Variants in CD84 observed in about 807,000 individuals in gnomAD.
CD84 encodes the protein SLAM family member 5.
In CD84, 22 loss-of-function variants were observed where a neutral mutation model predicts 33.8. That is an observed-to-expected ratio of 0.65 (90% CI 0.46 to 0.93). The LOEUF is 0.93. CD84 is among the 40% of genes least tolerant of loss of function. CD84 has a pLI of 0.00. For missense variants in CD84, 400 were observed against 397.6 expected, an observed-to-expected ratio of 1.01 and a Z score of -0.05; for synonymous variants, 154 against 145.2, an observed-to-expected ratio of 1.06 and a Z score of -0.44.
Position 160,565,500 on chromosome 1 carries a change from C to A in CD84, c.292G>T (p.Asp98Tyr). Residue 98 changes from aspartate (D) to tyrosine (Y), a missense_variant, in exon 2 of 7, where the codon GAT (aspartate) becomes TAT (tyrosine). Coordinates refer to ENST00000368054, the MANE Select transcript of CD84 (RefSeq NM_003874.4). ...TCTCCTGCGTCTTCCATCCTCAGAT[C>A]GCTAATGACCAGATTGTAGTTCGGA... ...LGPNYNLVIS[D>Y]LRMEDAGDYK... The A allele has an allele frequency of 1.2e-6, 2 of 1,613,908 alleles. No individual in the cohort carries two copies. Among genetic ancestry groups the A allele is most frequent in the Admixed American group, 1.7e-5 (1 of 59,994 alleles).
chr1:160,550,087 G>C, intron 5 of CD84, 108 bp from the exon 6 acceptor site: 2 of 803,704 alleles, frequency 2.5e-6, no homozygotes, highest in South Asian at 1.4e-5. Context: ...CACATTTACT[G>C]GGTGGCCTCC....
intron 2 of CD84, among the ~76,000 whole-genome samples, chr1:160,562,403 G>T (rs897281256): frequency 1.3e-5 from 2 of 151,956 alleles, no homozygotes; most frequent in Admixed American, 6.6e-5. Flanking sequence ...ACAGAATAAA[G>T]AACTCAAAAA....
chr1:160,572,815 G>C (rs1009235680), intron 1 of CD84, among the ~76,000 whole-genome samples: 2 of 152,160 alleles, frequency 1.3e-5, no homozygotes, highest in Admixed American at 6.5e-5. Context: ...TGAAACCCTG[G>C]GGTGCAGGCT....
intron 1 of CD84, among the ~76,000 whole-genome samples, chr1:160,570,476 T>C (rs961025941): frequency 6.6e-6 from 1 of 152,204 alleles, no homozygotes; most frequent in Non-Finnish European, 1.5e-5. Context: ...GACTATATTG[T>C]CCTGCTTTCT....
chr1:160,575,098 G>A (rs1657916048), intron 1 of CD84, among the ~76,000 whole-genome samples: 1 of 152,118 alleles, frequency 6.6e-6, no homozygotes, highest in Non-Finnish European at 1.5e-5. Flanking sequence ...GGATCCTCCA[G>A]ACAAACATTT....
chr1:160,548,722 C>A (rs1254447112), intron 6 of CD84, among the ~76,000 whole-genome samples: 1 of 152,182 alleles, frequency 6.6e-6, no homozygotes, highest in Non-Finnish European at 1.5e-5. Flanking sequence ...GGACTCACTG[C>A]CAGCATCTCC....
At chr1:160,553,826 C>A in intron 3 of CD84, 69 bp downstream of exon 3, 1 of 1,610,354 alleles carries the variant, frequency 6.2e-7, no homozygotes, top group Non-Finnish European at 8.5e-7. Flanking sequence ...ATGTGGCCCA[C>A]GTTCAGACCT....
intron 6 of CD84, among the ~76,000 whole-genome samples, chr1:160,548,992 C>T (rs1656003315): frequency 6.6e-6 from 1 of 152,092 alleles, no homozygotes; most frequent in African/African-American, 2.4e-5. Context: ...CTTGCCTGTC[C>T]TCCTTTTCTT....
Position 160,545,751 on chromosome 1 carries a change from T to G in CD84, c.*2505A>C, listed in dbSNP as rs1655791407. ...TTCAAGCAATTCTCCCACCTCAGCC[T>G]CCCAAGTAGCTGGGATTACAGGTGT... On this transcript the variant is annotated 3_prime_UTR_variant, in exon 7 of 7. Transcript: ENST00000368054. 6.6e-6 allele frequency: 1 copy of G among 152,210 alleles called. No homozygotes were observed. The highest frequency in any genetic ancestry group is 6.6e-5 in the Admixed American group (1 of 15,254). 9.4% of individuals were successfully genotyped at this position (152,210 alleles called of 1,614,324 possible). A position where few individuals can be genotyped will look rare whatever the true frequency, so the allele number is the denominator to read the frequency against.
chr1:160,543,033 T>G lies in CD84; in HGVS notation c.*5223A>C, dbSNP rs1185856982. 1 of 152,150 alleles carries G rather than the reference T, an allele frequency of 6.6e-6. No individual in the cohort carries two copies. Among genetic ancestry groups the G allele is most frequent in the Non-Finnish European group, 1.5e-5 (1 of 68,022 alleles). The allele number at this position is 152,150 out of a possible 1,614,324, so 9.4% of individuals were successfully genotyped here. A position where few individuals can be genotyped will look rare whatever the true frequency, so the allele number is the denominator to read the frequency against. ...ATTTACAGTTTCTCTTATTTTATAT[T>G]AACTCATCAGAATGTTTATGACCTG... On this transcript the variant is annotated 3_prime_UTR_variant, in exon 7 of 7. Transcript: ENST00000368054.
rs916136625 is a variant in CD84, at chr1:160,556,484, ATCTG to A, written c.389-2342_389-2339del. Among the ~76,000 whole-genome samples the A allele has an allele frequency of 3.3e-5, 5 of 152,272 alleles. No individual in the cohort carries two copies. The South Asian group carries it at 6.2e-4, about 19-fold the overall frequency. The stretch of plus-strand genomic sequence containing the variant: ...TTACCTATTTACTTATCTATCATCT[ATCTG>A]TCTGTCTATGCTGGTATGCACATTA... On this transcript the variant is annotated intron_variant, in intron 2 of 6. Transcript: ENST00000368054.
intron 1 of CD84, among the ~76,000 whole-genome samples, chr1:160,568,559 T>C (rs1384894942): frequency 6.6e-6 from 1 of 152,170 alleles, no homozygotes; most frequent in African/African-American, 2.4e-5. Flanking sequence ...AAGGTGTAGG[T>C]GCAAGTACTT....
In CD84 at chr1:160,547,375, T is replaced by C; in HGVS notation, c.*881A>G. ...GAGTGGGAATACTGGGCATGGCTGC[T>C]TCTTCTGCTGAGGCTGCTTGGAGTG... On this transcript the variant is annotated 3_prime_UTR_variant, in exon 7 of 7. Coordinates refer to ENST00000368054, the MANE Select transcript of CD84 (RefSeq NM_003874.4). The C allele has an allele frequency of 5.1e-6, 2 of 394,794 alleles. No homozygotes were observed. Among genetic ancestry groups the C allele is most frequent in the East Asian group, 7.2e-5 (2 of 27,922 alleles). 24.5% of individuals were successfully genotyped at this position (394,794 alleles called of 1,614,324 possible).
chr1:160,558,623 T>G (rs1334988271), intron 2 of CD84, among the ~76,000 whole-genome samples: 1 of 152,182 alleles, frequency 6.6e-6, no homozygotes, highest in East Asian at 1.9e-4. Context: ...AGCAAAGAAC[T>G]GGGCTGAGGC....
At chr1:160,574,989 T>G (rs1224877554) in intron 1 of CD84, among the ~76,000 whole-genome samples, 1 of 152,106 alleles carries the variant, frequency 6.6e-6, no homozygotes, top group African/African-American at 2.4e-5. Context: ...GTTGGGGTAT[T>G]GGGGAGATGT....
intron 4 of CD84, among the ~76,000 whole-genome samples, chr1:160,551,624 A>G (rs939633240): frequency 6.6e-6 from 1 of 151,908 alleles, no homozygotes; most frequent in African/African-American, 2.4e-5. Flanking sequence ...GCTCACTGCA[A>G]CCTCTATCTT....
At chr1:160,569,633 G>T (rs371203008) in intron 1 of CD84, among the ~76,000 whole-genome samples, 1 of 151,978 alleles carries the variant, frequency 6.6e-6, no homozygotes, top group African/African-American at 2.4e-5. Flanking sequence ...CAGTGATTAC[G>T]GTAGGAATTC....
chr1:160,553,005 T>C, intron 4 of CD84: 1 of 571,110 alleles, frequency 1.8e-6, no homozygotes, highest in Non-Finnish European at 3.1e-6. Flanking sequence ...CCAATAGTCA[T>C]AATCAAAATA....
chr1:160,570,576 G>A (rs1405153110), intron 1 of CD84, among the ~76,000 whole-genome samples: 1 of 152,156 alleles, frequency 6.6e-6, no homozygotes, highest in South Asian at 2.1e-4. Flanking sequence ...TAAGAAGAGT[G>A]GGAACCTGGC....
Sources: gnomAD v4.1 joint callset for allele counts (sites outside exome capture counted in the v4.1 genomes callset) on GRCh38, gnomAD v4.1.1 for gene constraint, MANE v1.5 for transcripts, NCBI Gene and HGNC (gene_info 2026-07-23, HGNC 2026-07-21) for gene names.